Variants in ATP12A observed in about 807,000 individuals in gnomAD.
ATP12A encodes potassium-transporting ATPase alpha chain 2.
Under a neutral mutation model 111.2 loss-of-function variants are expected in ATP12A, and 81 were observed. The ratio of observed to expected loss-of-function variants is 0.73; its 90% CI spans 0.61 to 0.88. The LOEUF is 0.88. ATP12A is among the 40% of genes least tolerant of loss of function. The pLI, the probability that ATP12A is intolerant of heterozygous loss-of-function variation, is 0.00. For synonymous variants in ATP12A, 498 were observed against 499.8 expected (o/e 1.00, Z 0.05); for missense variants, 1,196 against 1,313.1 (o/e 0.91, Z 1.38).
chr13:24,681,607 A>G lies in ATP12A; in HGVS notation c.55A>G (p.Ile19Val). The G allele has an allele frequency of 1.2e-6, 2 of 1,614,220 alleles. No homozygotes were observed. The highest frequency in any genetic ancestry group is 1.6e-4 in the Middle Eastern group (1 of 6,062). The change falls in exon 2 of 23, where the codon ATC becomes GTC. Residue 19 changes from isoleucine to valine, a missense_variant. Coordinates refer to ENST00000381946, the MANE Select transcript of ATP12A (RefSeq NM_001676.7). ...CGTGGAGCTCAGCGGAACTAAGGAC[A>G]TCGTGAAAACAGACAAGGGGGATGG... ...YSVELSGTKDIVKTDKGDGKE... is the reference protein window; with the variant it reads ...YSVELSGTKDVVKTDKGDGKE...
intron 3 of ATP12A, 99 bp from the exon 4 acceptor site, chr13:24,688,219 AC>A: frequency 7.3e-7 from 1 of 1,367,824 alleles, no homozygotes. Flanking sequence ...TTAATGCCTC[AC>A]CCCAAGCTGC....
At chr13:24,709,610 CGA>C (rs1875872091) in intron 18 of ATP12A, 71 bp from the exon 19 acceptor site, 1 of 1,595,582 alleles carries the variant, frequency 6.3e-7, no homozygotes, top group African/African-American at 1.3e-5. Flanking sequence ...GAGGGGGAAC[CGA>C]GAGTAGACAG....
chr13:24,681,500 C>T (rs1874429878), intron 1 of ATP12A, 62 bp from the exon 2 acceptor site: 6 of 1,565,146 alleles, frequency 3.8e-6, no homozygotes, highest in South Asian at 2.4e-5. Flanking sequence ...CGCAGAGGGG[C>T]GCTCAGCACC....
chr13:24,698,892 C>T (rs761658356), intron 12 of ATP12A, 42 bp downstream of exon 12: 2 of 1,602,246 alleles, frequency 1.2e-6, no homozygotes, highest in South Asian at 1.1e-5. Context: ...CTGGTGGGCA[C>T]AGAGATGAGG....
At chr13:24,702,093 TA>T in intron 14 of ATP12A, 22 bp downstream of exon 14, 1 of 1,614,038 alleles carries the variant, frequency 6.2e-7, no homozygotes, top group Non-Finnish European at 8.5e-7. Context: ...AGCAGCATAG[TA>T]AAAATTCCAG....
chr13:24,710,776 T>A lies in ATP12A; in HGVS notation c.2898-16T>A. 6.2e-7 allele frequency: 1 copy of A among 1,612,878 alleles called. No homozygotes were observed. The highest frequency in any genetic ancestry group is 8.5e-7 in the Non-Finnish European group (1 of 1,178,938). Reference sequence around the variant, plus strand: ...CACAAGAATCCCAAGTCTGTCTGCTTTTGTGTGTCTTGCAGAAATAAAGTC... The same window carrying A: ...CACAAGAATCCCAAGTCTGTCTGCTATTGTGTGTCTTGCAGAAATAAAGTC... On this transcript the variant is annotated splice_polypyrimidine_tract_variant and intron_variant, in intron 20 of 22. Coordinates refer to ENST00000381946, the MANE Select transcript of ATP12A (RefSeq NM_001676.7).
In ATP12A at chr13:24,681,647, G is replaced by A. The variant is rs148193980; in HGVS notation, c.95G>A (p.Arg32Lys). ...TDKGDGKEKY[R>K]GLKNNCLELK... ...AAGGGGGATGGCAAGGAGAAGTATA[G>A]GGGTCTGAAGAACAACTGCCTGGAA... The change falls in exon 2 of 23, where the codon AGG (arginine) becomes AAG (lysine). Residue 32 changes from arginine to lysine, a missense_variant. By Grantham distance (26) the Arg-to-Lys change is conservative. Around this residue, in one of 3 missense-constraint regions of ATP12A, gnomAD observed 67 missense variants for 64.0 expected, o/e 1.05. Transcript: ENST00000381946. 5.4e-5 allele frequency: 87 copies of A among 1,614,204 alleles called. 1 individual carries two copies. In the African/African-American group the frequency reaches 9.9e-4, roughly 18 times the overall value.
rs1439780283 is a variant in ATP12A at position 24,680,692 on chromosome 13, C to T, written c.-52C>T. 2.8e-5 allele frequency: 42 copies of T among 1,499,576 alleles called. No homozygotes were observed. Among genetic ancestry groups the T allele is most frequent in the Non-Finnish European group, 3.7e-5 (42 of 1,131,388 alleles). 92.9% of individuals were successfully genotyped at this position (1,499,576 alleles called of 1,614,324 possible). On this transcript the variant is annotated 5_prime_UTR_variant, in exon 1 of 23. Transcript: ENST00000381946. ...CCCCCCACCGTGCGCTCCGCCGCTG[C>T]GGTCCCGGATCCGCGCTCCACGCCC...
rs201231734 is a variant in ATP12A at position 24,707,298 on chromosome 13, C to T, written c.2358C>T (p.Asn786=). The change falls in exon 17 of 23, where the codon AAC becomes AAT. Residue 786 remains asparagine, a synonymous_variant. Coordinates refer to ENST00000381946, the MANE Select transcript of ATP12A (RefSeq NM_001676.7). ...GCCTAGGTCGCCTGATCTTTGACAACCTCAAGAAGACTATTGCTTATTCCC... is the reference window on the plus strand; with the variant it reads ...GCCTAGGTCGCCTGATCTTTGACAATCTCAAGAAGACTATTGCTTATTCCC... The part of the protein sequence containing the change: ...GVEEGRLIFD[N]LKKTIAYSLT... 11 of 1,614,212 alleles carry T rather than the reference C, an allele frequency of 6.8e-6. No individual in the cohort carries two copies. In the African/African-American group the frequency reaches 1.2e-4, roughly 18 times the overall value.
At position 24,704,716 on chromosome 13, in the gene ATP12A, G is replaced by A. The variant is rs117442446; in HGVS notation, c.2019-1597G>A. On this transcript the variant is annotated intron_variant, in intron 14 of 22. Coordinates refer to ENST00000381946, the MANE Select transcript of ATP12A (RefSeq NM_001676.7). The stretch of plus-strand genomic sequence containing the variant: ...CGAGAGAAAGACATAATCTTCCTAC[G>A]AATGTGGGAAGGTGCATTGAAATGA... 2.9e-3 allele frequency: 700 copies of A among 241,554 alleles called. 9 individuals carry two copies. The highest frequency in any genetic ancestry group is 0.02 in the Admixed American group (401 of 20,550). The allele number at this position is 241,554 out of a possible 1,614,324, so 15.0% of individuals were successfully genotyped here. A position where few individuals can be genotyped will look rare whatever the true frequency, so the allele number is the denominator to read the frequency against.
intron 1 of ATP12A, among the ~76,000 whole-genome samples, chr13:24,681,069 G>A (rs550891859): frequency 9.8e-4 from 149 of 152,312 alleles, no homozygotes; most frequent in African/African-American, 3.5e-3. Context: ...ACATGGATTC[G>A]TTGCGGTCTG....
intron 17 of ATP12A, among the ~76,000 whole-genome samples, chr13:24,708,947 A>T (rs1875816863): frequency 1.1e-5 from 1 of 87,808 alleles, no homozygotes; most frequent in Admixed American, 1.0e-4. Flanking sequence ...GAAAGAAAGA[A>T]AGAAAGAAAG....
intron 2 of ATP12A, among the ~76,000 whole-genome samples, chr13:24,681,979 TGGTG>T (rs1179827992): frequency 1.7e-5 from 2 of 118,378 alleles, no homozygotes; most frequent in African/African-American, 3.5e-5. Flanking sequence ...GTATGGTGTG[TGGTG>T]TGTGTGTATG....
chr13:24,709,463 G>A lies in ATP12A; in HGVS notation c.2593G>A (p.Ala865Thr), dbSNP rs757211146. The A allele has an allele frequency of 3.7e-6, 6 of 1,614,036 alleles. No homozygotes were observed. The highest frequency in any genetic ancestry group is 3.3e-5 in the Admixed American group (2 of 60,014). ...GGACAGGCTGGTGAACCAGCCGCTC[G>A]CTGTGTACTCATACCTGCACATTGG... ...NKDRLVNQPL[A>T]VYSYLHIGLM... The change falls in exon 18 of 23, where the codon GCT (alanine) becomes ACT (threonine). Residue 865 changes from alanine to threonine, a missense_variant. Physicochemically the swap from Ala to Thr is moderately conservative, Grantham distance 58. Coordinates refer to ENST00000381946, the MANE Select transcript of ATP12A (RefSeq NM_001676.7).
Position 24,692,411 on chromosome 13 carries a change from C to T in ATP12A, c.1069-18C>T, listed in dbSNP as rs748547110. On this transcript the variant is annotated intron_variant, in intron 8 of 22. Transcript: ENST00000381946. The stretch of plus-strand genomic sequence containing the variant: ...CAAATGAGGATTTTTCCCAAAGCGT[C>T]CTTCCCTCTCCTGCTAGGTGACCCT... 3 of 1,611,680 alleles carry T rather than the reference C, an allele frequency of 1.9e-6. No homozygotes were observed. The highest frequency in any genetic ancestry group is 1.3e-5 in the African/African-American group (1 of 74,860).
chr13:24,684,065 G>A (rs1272387418), intron 2 of ATP12A, among the ~76,000 whole-genome samples: 1 of 151,782 alleles, frequency 6.6e-6, no homozygotes, highest in Non-Finnish European at 1.5e-5. Flanking sequence ...CCACCACCTC[G>A]TCCCACCCCT....
chr13:24,709,347 A>G lies in ATP12A; in HGVS notation c.2494-17A>G, dbSNP rs373645090. 3.0e-5 allele frequency: 43 copies of G among 1,427,532 alleles called. No homozygotes were observed. The highest frequency in any genetic ancestry group is 3.7e-6 in the Non-Finnish European group (4 of 1,075,238). 88.4% of individuals were successfully genotyped at this position (1,427,532 alleles called of 1,614,324 possible). On this transcript the variant is annotated splice_polypyrimidine_tract_variant and intron_variant, in intron 17 of 22. Coordinates refer to ENST00000381946, the MANE Select transcript of ATP12A (RefSeq NM_001676.7). ...GAACATCCTGGGGTTAGACCTCACC[A>G]GCCTCTTCCCCTCTAGATCCCCTCC...
At chr13:24,684,900 G>A (rs1266469663) in intron 2 of ATP12A, among the ~76,000 whole-genome samples, 1 of 152,214 alleles carries the variant, frequency 6.6e-6, no homozygotes, top group Non-Finnish European at 1.5e-5. Flanking sequence ...TGCCAGCCCA[G>A]GAAGCGGTTC....
Position 24,710,802 on chromosome 13 carries a change from A to G in ATP12A, c.2908A>G (p.Ile970Val). The G allele has an allele frequency of 6.2e-7, 1 of 1,614,140 alleles. No individual in the cohort carries two copies. The highest frequency in any genetic ancestry group is 1.3e-5 in the African/African-American group (1 of 75,050). ...FQQGLFRNKV[I>V]WVGITSQIII... Reference sequence around the variant, plus strand: ...TTGTGTGTCTTGCAGAAATAAAGTCATCTGGGTGGGGATCACCTCACAGAT... The same window carrying G: ...TTGTGTGTCTTGCAGAAATAAAGTCGTCTGGGTGGGGATCACCTCACAGAT... Residue 970 changes from isoleucine to valine, a missense_variant, in exon 21 of 23, where the codon ATC becomes GTC. Physicochemically the swap from Ile to Val is conservative, Grantham distance 29. Around this residue, in one of 3 missense-constraint regions of ATP12A, gnomAD observed 1,126 missense variants for 1,228.5 expected, o/e 0.92. Coordinates refer to ENST00000381946, the MANE Select transcript of ATP12A (RefSeq NM_001676.7).
Sources: allele counts gnomAD v4.1 joint callset (sites outside exome capture counted in the v4.1 genomes callset), GRCh38; gene constraint gnomAD v4.1.1; regional missense constraint gnomAD v4.1.1; transcripts MANE v1.5; gene names NCBI Gene and HGNC (gene_info 2026-07-23, HGNC 2026-07-21).